Variants in FMN1 observed in about 807,000 individuals in gnomAD.
FMN1 encodes formin-1.
FMN1 carries 110 observed loss-of-function variants against 132.4 expected under a neutral mutation model. The ratio of observed to expected loss-of-function variants is 0.83; its 90% CI spans 0.71 to 0.97. FMN1 has a LOEUF of 0.97. Ranked by LOEUF, FMN1 falls within the 50% of genes least tolerant of loss-of-function variation. The pLI, the probability that FMN1 is intolerant of heterozygous loss-of-function variation, is 0.00. For missense variants in FMN1, 1,792 were observed against 1,705.3 expected, an observed-to-expected ratio of 1.05 and a Z score of -0.90; for synonymous variants, 722 against 651.7, an observed-to-expected ratio of 1.11 and a Z score of -1.64.
intron 7 of FMN1, among the ~76,000 whole-genome samples, chr15:32,995,772 T>G (rs2033730915): frequency 6.6e-6 from 1 of 152,214 alleles, no homozygotes; most frequent in Admixed American, 6.5e-5. Flanking sequence ...AACACGCAAT[T>G]ATCTTACTCA....
chr15:33,145,245 G>A (rs1198191013), intron 4 of FMN1, among the ~76,000 whole-genome samples: 2 of 151,924 alleles, frequency 1.3e-5, no homozygotes, highest in Non-Finnish European at 2.9e-5. Context: ...GGTGCCAGAT[G>A]TGTTGCCCAA....
intron 18 of FMN1, among the ~76,000 whole-genome samples, chr15:32,802,242 G>C (rs2140995069): frequency 6.6e-6 from 1 of 152,128 alleles, no homozygotes; most frequent in Non-Finnish European, 1.5e-5. Context: ...TTTTAATTCA[G>C]CCAAACATTT....
At chr15:32,891,618 G>C (rs1240363387) in intron 15 of FMN1, among the ~76,000 whole-genome samples, 1 of 152,164 alleles carries the variant, frequency 6.6e-6, no homozygotes, top group East Asian at 1.9e-4. Context: ...GCTTTGGGCA[G>C]TATGGTCATT....
chr15:33,102,439 G>C (rs1414708713), intron 4 of FMN1, among the ~76,000 whole-genome samples: 1 of 152,090 alleles, frequency 6.6e-6, no homozygotes. Flanking sequence ...GTAAATGGAA[G>C]CTAGTGTTCC....
chr15:33,099,047 G>A (rs1181810797), intron 4 of FMN1, among the ~76,000 whole-genome samples: 1 of 152,122 alleles, frequency 6.6e-6, no homozygotes, highest in Non-Finnish European at 1.5e-5. Context: ...CTGGTGGACT[G>A]CTTGAGCCCA....
At chr15:33,004,905 G>C (rs2034328938) in intron 7 of FMN1, among the ~76,000 whole-genome samples, 1 of 152,100 alleles carries the variant, frequency 6.6e-6, no homozygotes, top group Admixed American at 6.5e-5. Context: ...GGATGAAGCT[G>C]GAAACCATCA....
chr15:32,866,016 C>A (rs1207317271), intron 16 of FMN1, among the ~76,000 whole-genome samples: 1 of 151,758 alleles, frequency 6.6e-6, no homozygotes, highest in African/African-American at 2.4e-5. Context: ...CACATATACA[C>A]CAACAATTGG....
At chr15:33,124,246 T>TA (rs1962839722) in intron 4 of FMN1, among the ~76,000 whole-genome samples, 1 of 147,394 alleles carries the variant, frequency 6.8e-6, no homozygotes, top group Non-Finnish European at 1.5e-5. Context: ...AAACAGATGT[T>TA]ATGTGGAGGA....
At chr15:32,814,655 T>C in intron 17 of FMN1, among the ~76,000 whole-genome samples, 1 of 152,254 alleles carries the variant, frequency 6.6e-6, no homozygotes, top group Non-Finnish European at 1.5e-5. Context: ...CATTTGGTGA[T>C]AAATTGCAGG....
intron 5 of FMN1, among the ~76,000 whole-genome samples, chr15:33,065,995 G>A (rs906043126): frequency 1.3e-5 from 2 of 152,176 alleles, no homozygotes; most frequent in Non-Finnish European, 2.9e-5. Context: ...GTAAATGGCA[G>A]AATTAGAATA....
At chr15:33,126,608 A>C (rs1255936704) in intron 4 of FMN1, among the ~76,000 whole-genome samples, 2 of 152,118 alleles carry the variant, frequency 1.3e-5, no homozygotes, top group East Asian at 3.8e-4. Context: ...AGAAAGAAGA[A>C]AGGAAGCAGC....
Position 32,857,028 on chromosome 15 carries a change from C to A in FMN1, c.3915G>T (p.Glu1305Asp), listed in dbSNP as rs763814116. ...AAAGCTTCCTACCTTTTTGGAAGAA[C>A]TCCTCTAGTTTGTCCTTGAAAGGCT... ...YLQPFKDKLE[E>D]FFQKAKKEHK... is the part of the protein sequence containing the mutation. Residue 1305 changes from glutamate to aspartate, a missense_variant, in exon 17 of 21, where the codon GAG becomes GAT. By Grantham distance (45) the Glu-to-Asp change is conservative. Transcript: ENST00000616417. 3 of 1,612,044 alleles carry A rather than the reference C, an allele frequency of 1.9e-6. No homozygotes were observed. Among genetic ancestry groups the A allele is most frequent in the Non-Finnish European group, 2.5e-6 (3 of 1,178,354 alleles).
intron 6 of FMN1, among the ~76,000 whole-genome samples, chr15:33,041,247 T>C (rs1292162608): frequency 6.6e-6 from 1 of 152,082 alleles, no homozygotes; most frequent in African/African-American, 2.4e-5. Context: ...CCTAGGTCTA[T>C]GATAGAAGAG....
At chr15:33,107,741 T>TA (rs2039541692) in intron 4 of FMN1, among the ~76,000 whole-genome samples, 1 of 152,086 alleles carries the variant, frequency 6.6e-6, no homozygotes, top group South Asian at 2.1e-4. Context: ...CCATCGTACT[T>TA]ATCATTACCT....
chr15:32,855,172 A>AG (rs1407388465), intron 17 of FMN1, among the ~76,000 whole-genome samples: 3 of 149,036 alleles, frequency 2.0e-5, no homozygotes, highest in Admixed American at 6.6e-5. Flanking sequence ...AAAAAAAAAA[A>AG]AAAAAAAAAA....
chr15:33,019,319 A>G (rs1043920327), intron 6 of FMN1, among the ~76,000 whole-genome samples: 5 of 152,080 alleles, frequency 3.3e-5, no homozygotes, highest in African/African-American at 4.8e-5. Context: ...TGCATTTACA[A>G]ACCTTGAGCT....
chr15:32,970,770 G>C (rs185527529), intron 7 of FMN1: 1 of 146,968 alleles, frequency 6.8e-6, no homozygotes, highest in African/African-American at 2.5e-5. Context: ...ATTATGAAGA[G>C]ATCTACCATT....
At chr15:32,789,494 G>A (rs1487017235) in intron 19 of FMN1, among the ~76,000 whole-genome samples, 1 of 152,170 alleles carries the variant, frequency 6.6e-6, no homozygotes, top group Non-Finnish European at 1.5e-5. Flanking sequence ...TTCGGTCAAA[G>A]ACAGACCTCA....
At chr15:33,156,696 G>T (rs1416051985) in intron 3 of FMN1, among the ~76,000 whole-genome samples, 1 of 152,076 alleles carries the variant, frequency 6.6e-6, no homozygotes, top group African/African-American at 2.4e-5. Flanking sequence ...ATGTGTCCAA[G>T]AACTCACTTA....
Sources: allele counts gnomAD v4.1 joint callset (sites outside exome capture counted in the v4.1 genomes callset), GRCh38; gene constraint gnomAD v4.1.1; transcripts MANE v1.5; gene names NCBI Gene and HGNC (gene_info 2026-07-23, HGNC 2026-07-21).